Variants in BMERB1 observed in about 807,000 individuals in gnomAD.
BMERB1 encodes the protein bMERB domain-containing protein 1.
BMERB1 carries 12 observed loss-of-function variants against 23.6 expected under a neutral mutation model. The observed-to-expected ratio is 0.51, with a 90% CI of 0.33 to 0.82. The LOEUF is 0.82. Ranked by LOEUF, BMERB1 falls within the 40% of genes least tolerant of loss-of-function variation. The pLI is 0.03. For synonymous variants in BMERB1, 122 were observed against 96.6 expected, an observed-to-expected ratio of 1.26 and a Z score of -1.54; for missense variants, 247 against 255.4, an observed-to-expected ratio of 0.97 and a Z score of 0.22.
chr16:15,481,794 G>A (rs1434314958), intron 1 of BMERB1, among the ~76,000 whole-genome samples: 2 of 149,394 alleles, frequency 1.3e-5, no homozygotes, highest in Non-Finnish European at 3.0e-5. Flanking sequence ...GCATGATCTC[G>A]GGTCACTGCA....
chr16:15,529,169 C>T (rs1344771570), intron 2 of BMERB1, among the ~76,000 whole-genome samples: 3 of 152,074 alleles, frequency 2.0e-5, no homozygotes, highest in Admixed American at 6.6e-5. Flanking sequence ...GGACTACAGG[C>T]GCCCACCACC....
chr16:15,528,527 CTTCTT>C (rs1226427470), intron 2 of BMERB1, among the ~76,000 whole-genome samples: 1 of 152,058 alleles, frequency 6.6e-6, no homozygotes, highest in African/African-American at 2.4e-5. Flanking sequence ...TCTTCTCCAA[CTTCTT>C]TTCTTCATCC....
At chr16:15,478,075 T>C (rs1369161226) in intron 1 of BMERB1, among the ~76,000 whole-genome samples, 1 of 152,146 alleles carries the variant, frequency 6.6e-6, no homozygotes, top group Non-Finnish European at 1.5e-5. Flanking sequence ...TCCTCTAAGG[T>C]TTGTGTGTGT....
chr16:15,441,389 A>C (rs2050937790), intron 1 of BMERB1, among the ~76,000 whole-genome samples: 1 of 151,514 alleles, frequency 6.6e-6, no homozygotes, highest in Admixed American at 6.6e-5. Flanking sequence ...GCCCATTAAA[A>C]AAAAAAAAAA....
chr16:15,561,590 G>A (rs1353887667), intron 2 of BMERB1, among the ~76,000 whole-genome samples: 1 of 151,934 alleles, frequency 6.6e-6, no homozygotes, highest in East Asian at 2.0e-4. Flanking sequence ...CTTTCTCACA[G>A]CTAATGATAA....
intron 2 of BMERB1, among the ~76,000 whole-genome samples, chr16:15,553,292 G>A (rs983193561): frequency 8.5e-5 from 13 of 152,322 alleles, no homozygotes; most frequent in African/African-American, 3.1e-4. Context: ...ACAGGCATGA[G>A]CCACCGTGCC....
intron 2 of BMERB1, among the ~76,000 whole-genome samples, chr16:15,538,003 A>G (rs1253019616): frequency 1.3e-5 from 2 of 152,196 alleles, no homozygotes; most frequent in Admixed American, 6.5e-5. Flanking sequence ...TTTTGGAGCT[A>G]TAGTTTGACC....
chr16:15,572,022 C>T (rs1485161467), intron 3 of BMERB1, among the ~76,000 whole-genome samples: 1 of 152,192 alleles, frequency 6.6e-6, no homozygotes. Flanking sequence ...CCAGGTGCCT[C>T]CTCGACTTTG....
intron 1 of BMERB1, among the ~76,000 whole-genome samples, chr16:15,458,996 A>G (rs1233706579): frequency 6.6e-6 from 1 of 151,776 alleles, no homozygotes; most frequent in Admixed American, 6.6e-5. Flanking sequence ...AATCCCAGCT[A>G]CTCGGGAGGG....
intron 3 of BMERB1, among the ~76,000 whole-genome samples, chr16:15,579,639 A>G (rs951533174): frequency 3.3e-5 from 5 of 151,554 alleles, no homozygotes; most frequent in Admixed American, 1.3e-4. Flanking sequence ...AATTTTCTCA[A>G]ACCTCATCTT....
At chr16:15,521,798 TA>T (rs1337850774) in intron 2 of BMERB1, among the ~76,000 whole-genome samples, 77 of 152,276 alleles carry the variant, frequency 5.1e-4, no homozygotes, top group Non-Finnish European at 1.5e-5. Context: ...ATCTGGCAGA[TA>T]ATGCTTGAAA....
At chr16:15,580,201 A>AGT (rs201689492) in intron 3 of BMERB1, among the ~76,000 whole-genome samples, 9,230 of 151,434 alleles carry the variant, frequency 0.061, 974 homozygotes, top group African/African-American at 0.21. Context: ...GGCTCAAGAG[A>AGT]TCCACCCACC....
chr16:15,487,551 G>T lies in BMERB1; in HGVS notation c.107-27754G>T, dbSNP rs901274111. The stretch of plus-strand genomic sequence containing the variant: ...TATTGTGCAAGAAAGAACTCAAGGC[G>T]AATCCATAGAGTAAAATGAAAGCAA... On this transcript the variant is annotated intron_variant, in intron 1 of 5. Coordinates refer to ENST00000300006, the MANE Select transcript of BMERB1 (RefSeq NM_033201.3). Among the ~76,000 whole-genome samples the T allele has an allele frequency of 2.6e-5, 4 of 152,196 alleles. No individual in the cohort carries two copies. The East Asian group carries it at 5.8e-4, about 22-fold the overall frequency.
At chr16:15,573,591 G>T (rs528914747) in intron 3 of BMERB1, among the ~76,000 whole-genome samples, 63 of 152,242 alleles carry the variant, frequency 4.1e-4, no homozygotes, top group Non-Finnish European at 7.8e-4. Context: ...CCCATCAAGT[G>T]CACGGTCTGC....
intron 2 of BMERB1, among the ~76,000 whole-genome samples, chr16:15,519,990 A>G (rs1020669840): frequency 6.6e-6 from 1 of 152,090 alleles, no homozygotes; most frequent in Admixed American, 6.6e-5. Flanking sequence ...GAGGGAGCAC[A>G]CAGAGTTGCT....
At chr16:15,577,450 A>C (rs888967321) in intron 3 of BMERB1, among the ~76,000 whole-genome samples, 2 of 152,216 alleles carry the variant, frequency 1.3e-5, no homozygotes, top group African/African-American at 4.8e-5. Context: ...CCTCAGAGGA[A>C]ATAATTCCAC....
chr16:15,525,530 C>A (rs1263739267), intron 2 of BMERB1, among the ~76,000 whole-genome samples: 1 of 151,934 alleles, frequency 6.6e-6, no homozygotes, highest in Admixed American at 6.6e-5. Flanking sequence ...TGTGGTGAAT[C>A]CCTGCCTCTA....
At chr16:15,557,434 A>G (rs1417707518) in intron 2 of BMERB1, among the ~76,000 whole-genome samples, 1 of 152,192 alleles carries the variant, frequency 6.6e-6, no homozygotes, top group Admixed American at 6.5e-5. Context: ...AACTATTCAC[A>G]TGTCTTTTGA....
chr16:15,471,972 TTTGGTTCTA>T (rs371665889), intron 1 of BMERB1, among the ~76,000 whole-genome samples: 97 of 152,356 alleles, frequency 6.4e-4, no homozygotes, highest in African/African-American at 2.2e-3. Flanking sequence ...TTCATTTTCA[TTTGGTTCTA>T]TTCTTTAAGT....
Sources: gnomAD v4.1 joint callset for allele counts (sites outside exome capture counted in the v4.1 genomes callset) on GRCh38, gnomAD v4.1.1 for gene constraint, MANE v1.5 for transcripts, NCBI Gene and HGNC (gene_info 2026-07-23, HGNC 2026-07-21) for gene names.